SLC28A1: variants seen among roughly 807,000 people sequenced by gnomAD.
The protein encoded by SLC28A1 is solute carrier family 28 member 1, also known as sodium/nucleoside cotransporter 1.
A neutral mutation model predicts 74.8 loss-of-function variants in SLC28A1; 64 were observed. The ratio of observed to expected loss-of-function variants is 0.86; its 90% confidence interval spans 0.70 to 1.05. The LOEUF (loss-of-function observed/expected upper bound fraction) is 1.05. Among genes scored for constraint, SLC28A1 ranks in the 50% least tolerant of loss-of-function variants. The probability of loss-of-function intolerance (pLI) is 0.00; values close to 1 mark genes in which losing one functional copy is unlikely to be tolerated. For synonymous variants in SLC28A1, 359 were observed against 335.0 expected, an observed-to-expected ratio of 1.07 and a Z score of -0.78; for missense variants, 828 against 822.8, an observed-to-expected ratio of 1.01 and a Z score of -0.08.
intron 8 of SLC28A1, 110 bp from the exon 9 acceptor site, chr15:84,908,608 T>G (rs903594860): frequency 8.2e-6 from 7 of 850,450 alleles, no homozygotes; most frequent in Non-Finnish European, 1.2e-5. Context: ...GATAAGGGCC[T>G]GGGGGGACTA....
chr15:84,889,122 C>G (rs1448918535), intron 4 of SLC28A1, among the ~76,000 whole-genome samples: 1 of 152,184 alleles, frequency 6.6e-6, no homozygotes, highest in Non-Finnish European at 1.5e-5. Flanking sequence ...TGCCCTGAAC[C>G]AGCCAGGCCT....
chr15:84,889,693 T>C (rs12102120), intron 4 of SLC28A1, among the ~76,000 whole-genome samples: 945 of 25,792 alleles, frequency 0.037, 15 homozygotes, highest in African/African-American at 0.058. Context: ...TCCTTCCTTC[T>C]TTCCTTCCTT....
At chr15:84,934,266 T>C (rs1971634664) in intron 13 of SLC28A1, among the ~76,000 whole-genome samples, 1 of 152,090 alleles carries the variant, frequency 6.6e-6, no homozygotes, top group Admixed American at 6.6e-5. Context: ...GGCTTGGGAG[T>C]GTGGCCTGGT....
intron 12 of SLC28A1, among the ~76,000 whole-genome samples, chr15:84,925,021 G>A (rs1012876034): frequency 4.1e-5 from 6 of 146,830 alleles, no homozygotes; most frequent in South Asian, 2.2e-4. Flanking sequence ...CTGCCTCAGC[G>A]TCCTGAGTAG....
chr15:84,932,850 A>G (rs1159054475), intron 12 of SLC28A1, among the ~76,000 whole-genome samples: 2 of 152,192 alleles, frequency 1.3e-5, no homozygotes, highest in Non-Finnish European at 2.9e-5. Context: ...TTATTTTGGG[A>G]AGCCATATTT....
At position 84,911,872 on chromosome 15, in the gene SLC28A1, A is replaced by AGAAG. The variant is rs1289662623; in HGVS notation, c.795+3077_795+3078insGAAG. ...AGACTCCATCTCAAAAAAAAAAAAA[A>AGAAG]AAAAAGAAGAAGAAGAAGAAAATAA... On this transcript the variant is annotated intron_variant, in intron 9 of 18. Transcript: ENST00000394573. Among the ~76,000 whole-genome samples, 872 of 149,212 alleles carry AGAAG rather than the reference A, an allele frequency of 5.8e-3. 3 individuals carry two copies. The highest frequency in any genetic ancestry group is 9.4e-3 in the Non-Finnish European group (634 of 67,314).
downstream of SLC28A1, among the ~76,000 whole-genome samples, chr15:84,947,335 G>A (rs1048009387): frequency 3.9e-5 from 6 of 152,106 alleles, no homozygotes; most frequent in African/African-American, 1.2e-4. Context: ...TTGGCCCTCC[G>A]CCCCTTCCCT....
chr15:84,894,843 G>T (rs1030253382), intron 5 of SLC28A1, 97 bp from the exon 6 acceptor site: 4 of 1,224,056 alleles, frequency 3.3e-6, no homozygotes, highest in Non-Finnish European at 4.8e-6. Context: ...TGCCCTCCAC[G>T]CTCTGGGTGG....
intron 9 of SLC28A1, among the ~76,000 whole-genome samples, chr15:84,917,782 A>AT (rs1319073469): frequency 6.6e-6 from 1 of 152,024 alleles, no homozygotes; most frequent in Non-Finnish European, 1.5e-5. Context: ...AGACCTCTCC[A>AT]TTTTTTGCCA....
the SLC28A1 span, among the ~76,000 whole-genome samples, chr15:84,967,780 C>T: frequency 6.6e-6 from 1 of 152,146 alleles, no homozygotes; most frequent in African/African-American, 2.4e-5. Context: ...GAAAGTGTCA[C>T]TGTTCCTGGA....
intron 12 of SLC28A1, among the ~76,000 whole-genome samples, chr15:84,924,334 T>C (rs1970228642): frequency 6.6e-6 from 1 of 152,022 alleles, no homozygotes; most frequent in African/African-American, 2.4e-5. Flanking sequence ...ATTTACTGAG[T>C]GCATGCTAGG....
chr15:84,949,520 T>C (rs2079344754), downstream of SLC28A1, among the ~76,000 whole-genome samples: 1 of 150,082 alleles, frequency 6.7e-6, no homozygotes. Flanking sequence ...CACCTCAGCC[T>C]CCCAAGTAGC....
chr15:84,912,797 T>TGCGCGCGCGCGTGCGCGCGC (rs148740007), intron 9 of SLC28A1, among the ~76,000 whole-genome samples: 28 of 118,172 alleles, frequency 2.4e-4, no homozygotes, highest in Admixed American at 1.1e-3. Context: ...TGCCAAATTT[T>TGCGCGCGCGCGTGCGCGCGC]GCGCGCGCGC....
chr15:84,931,067 GC>G (rs2141988417), intron 12 of SLC28A1, among the ~76,000 whole-genome samples: 1 of 151,934 alleles, frequency 6.6e-6, no homozygotes, highest in African/African-American at 2.4e-5. Flanking sequence ...CCCACGCCCG[GC>G]CTAATTTTTG....
intron 6 of SLC28A1, among the ~76,000 whole-genome samples, chr15:84,899,674 TAAG>T (rs1356299956): frequency 6.6e-6 from 1 of 151,916 alleles, no homozygotes; most frequent in Non-Finnish European, 1.5e-5. Context: ...GAAGAGGAAA[TAAG>T]AACTCTTTCA....
chr15:84,967,444 G>A, the SLC28A1 span, among the ~76,000 whole-genome samples: 1 of 152,218 alleles, frequency 6.6e-6, no homozygotes. Flanking sequence ...AAGGAATAGT[G>A]ATGGCCTGAC....
intron 6 of SLC28A1, among the ~76,000 whole-genome samples, chr15:84,896,828 G>A (rs1966050646): frequency 6.6e-6 from 1 of 152,186 alleles, no homozygotes; most frequent in African/African-American, 2.4e-5. Flanking sequence ...CTGCAATAAT[G>A]ATAAACCTTG....
In SLC28A1 at chr15:84,924,030, C is replaced by G. The variant is rs758211066; in HGVS notation, c.1003C>G (p.Leu335Val). ...CCGGCCCTACTTGGCAGACATGACA[C>G]TCTCTGAAGTCCACGTTGTCATGAC... is the stretch of plus-strand genomic sequence containing the variant. ...LIRPYLADMT[L>V]SEVHVVMTGG... Residue 335 changes from leucine (L) to valine (V), a missense_variant, in exon 12 of 19, where the codon CTC becomes GTC. Coordinates refer to ENST00000394573, the MANE Select transcript of SLC28A1 (RefSeq NM_004213.5). 1.2e-6 allele frequency: 2 copies of G among 1,614,038 alleles called. No individual in the cohort carries two copies. The highest frequency in any genetic ancestry group is 1.7e-6 in the Non-Finnish European group (2 of 1,179,994).
In SLC28A1 at chr15:84,913,610, C is replaced by T. The variant is rs139984109; in HGVS notation, c.795+4815C>T. ...ATTCTCAAAGGATGCTGCTGGTCCA[C>T]GTGCTGAGAACCACTGGCCTAGAAG... On this transcript the variant is annotated intron_variant, in intron 9 of 18. Coordinates refer to ENST00000394573, the MANE Select transcript of SLC28A1 (RefSeq NM_004213.5). Among the ~76,000 whole-genome samples, 13 of 152,348 alleles carry T rather than the reference C, an allele frequency of 8.5e-5. No individual in the cohort carries two copies. In the East Asian group the frequency reaches 1.7e-3, roughly 20 times the overall value.
Sources: allele counts gnomAD v4.1 joint callset (sites outside exome capture counted in the v4.1 genomes callset), GRCh38; gene constraint gnomAD v4.1.1; transcripts MANE v1.5; gene names NCBI Gene and HGNC (gene_info 2026-07-23, HGNC 2026-07-21).